Variants in SF1 observed in about 807,000 individuals in gnomAD.
The protein encoded by SF1 is branch point-binding protein.
In SF1, 7 loss-of-function variants were observed where a neutral mutation model predicts 62.5. The observed-to-expected ratio is 0.11, with a 90% CI of 0.06 to 0.21. The LOEUF (loss-of-function observed/expected upper bound fraction) is 0.21. SF1 is among the 10% of genes least tolerant of loss of function. The pLI is 1.00. For missense variants in SF1, 578 were observed against 884.0 expected, an observed-to-expected ratio of 0.65 and a Z score of 4.39; for synonymous variants, 394 against 323.6, an observed-to-expected ratio of 1.22 and a Z score of -2.33.
intron 3 of SF1, chr11:64,772,338 T>C (rs1938453922): frequency 4.2e-6 from 4 of 958,424 alleles, no homozygotes; most frequent in South Asian, 4.8e-5. Context: ...AAAAAAAAAA[T>C]CTTCAAAAAG....
chr11:64,773,403 G>C (rs377474705), intron 3 of SF1, 27 bp downstream of exon 3: 5 of 1,610,768 alleles, frequency 3.1e-6, no homozygotes, highest in Non-Finnish European at 4.2e-6. Context: ...AAGCGTTACT[G>C]TCAGCTGGTT....
chr11:64,768,064 G>C, intron 9 of SF1, 42 bp downstream of exon 9: 1 of 1,578,754 alleles, frequency 6.3e-7, no homozygotes. Context: ...CTGCAGTAGA[G>C]AATGGGGAAG....
intron 1 of SF1, chr11:64,778,100 G>A (rs1389798354): frequency 3.2e-6 from 3 of 929,652 alleles, no homozygotes; most frequent in African/African-American, 3.6e-5. Flanking sequence ...CGGCTGCGGC[G>A]GCGGGTACGA....
chr11:64,766,216 T>G (rs2058654409), intron 12 of SF1, 61 bp from the exon 13 acceptor site: 1 of 1,266,678 alleles, frequency 7.9e-7, no homozygotes. Context: ...TGTCTGCGGC[T>G]GCTGCCTTGG....
At chr11:64,770,527 G>A (rs902756502) in intron 3 of SF1, 119 bp from the exon 4 acceptor site, 2 of 1,099,632 alleles carry the variant, frequency 1.8e-6, no homozygotes, top group Non-Finnish European at 2.6e-6. Context: ...ACTCTTCGGA[G>A]GAACCGACCA....
intron 2 of SF1, among the ~76,000 whole-genome samples, chr11:64,773,723 G>A (rs1245823996): frequency 6.6e-6 from 1 of 152,066 alleles, no homozygotes; most frequent in Non-Finnish European, 1.5e-5. Context: ...TATCACTTAA[G>A]GAAGCAAACA....
Position 64,769,516 on chromosome 11 carries a change from T to C in SF1, c.573A>G (p.Lys191=), listed in dbSNP as rs2135918688. 1 of 1,614,216 alleles carries C rather than the reference T, an allele frequency of 6.2e-7. No homozygotes were observed. Among genetic ancestry groups the C allele is most frequent in the Non-Finnish European group, 8.5e-7 (1 of 1,180,030 alleles). ...GSVKEGKVGR[K]DGQMLPGEDE... The stretch of plus-strand genomic sequence containing the variant: ...CTTCTCCTGGCAACATCTGGCCATC[T>C]TTGCGCCCAACCTTCCCTTCTTTCA... Residue 191 remains lysine, a synonymous_variant, in exon 6 of 13, where the codon AAA becomes AAG. Coordinates refer to ENST00000377390, the MANE Select transcript of SF1 (RefSeq NM_004630.4).
At chr11:64,776,298 C>G (rs563728825) in intron 2 of SF1, 200 bp downstream of exon 2, 13 of 557,438 alleles carry the variant, frequency 2.3e-5, no homozygotes, top group African/African-American at 2.1e-4. Context: ...ATGGAGAACA[C>G]TGCAGTTACG....
In SF1 at chr11:64,772,809, A is replaced by G. The variant is rs183031235; in HGVS notation, c.236+621T>C. The G allele has an allele frequency of 9.6e-4, 942 of 985,436 alleles. 1 individual carries two copies. The highest frequency in any genetic ancestry group is 1.1e-3 in the Non-Finnish European group (873 of 829,934). The allele number at this position is 985,436 out of a possible 1,614,324, so 61.0% of individuals were successfully genotyped here. A position where few individuals can be genotyped will look rare whatever the true frequency, so the allele number is the denominator to read the frequency against. ...GGCCCACGCTCCCTTTAAGGAAAAAAAAAAAGTAATTTAGGGTTGGTTGCA... is the reference window on the plus strand; with the variant it reads ...GGCCCACGCTCCCTTTAAGGAAAAAGAAAAAGTAATTTAGGGTTGGTTGCA... On this transcript the variant is annotated intron_variant, in intron 3 of 12. Coordinates refer to ENST00000377390, the MANE Select transcript of SF1 (RefSeq NM_004630.4).
At chr11:64,772,338 T>A (rs1938453922) in intron 3 of SF1, 7 of 958,424 alleles carry the variant, frequency 7.3e-6, no homozygotes, top group Non-Finnish European at 8.7e-6. Context: ...AAAAAAAAAA[T>A]CTTCAAAAAG....
chr11:64,770,607 G>A, intron 3 of SF1, 199 bp from the exon 4 acceptor site: 1 of 508,776 alleles, frequency 2.0e-6, no homozygotes, highest in African/African-American at 1.9e-5. Context: ...GGTCTGGGGT[G>A]TGTGTGAGAA....
In SF1 at chr11:64,765,692, C is replaced by A. The variant is rs1592435799; in HGVS notation, c.*126G>T. 6.8e-7 allele frequency: 1 copy of A among 1,465,094 alleles called. No individual in the cohort carries two copies. Among genetic ancestry groups the A allele is most frequent in the Non-Finnish European group, 9.0e-7 (1 of 1,111,070 alleles). The allele number at this position is 1,465,094 out of a possible 1,614,324, so 90.8% of individuals were successfully genotyped here. ...TGGCCCAGCCCAGTGCGTGCACACACACACATGCGTGCACACACAATCACA... is the reference window on the plus strand; with the variant it reads ...TGGCCCAGCCCAGTGCGTGCACACAAACACATGCGTGCACACACAATCACA... On this transcript the variant is annotated 3_prime_UTR_variant, in exon 13 of 13. Coordinates refer to ENST00000377390, the MANE Select transcript of SF1 (RefSeq NM_004630.4).
At chr11:64,767,295 T>C (rs770067377) in intron 10 of SF1, 44 bp from the exon 11 acceptor site, 4 of 1,593,390 alleles carry the variant, frequency 2.5e-6, no homozygotes, top group East Asian at 2.2e-5. Flanking sequence ...ACATTGGAAC[T>C]GGCCAGGGAA....
At chr11:64,769,690 G>A (rs745582066) in intron 5 of SF1, 81 bp from the exon 6 acceptor site, 11 of 1,294,776 alleles carry the variant, frequency 8.5e-6, no homozygotes, top group Admixed American at 2.0e-5. Context: ...ATTTGGCATT[G>A]GTGGGAAACC....
intron 8 of SF1, 29 bp downstream of exon 8, chr11:64,768,993 C>A (rs774019682): frequency 4.8e-5 from 72 of 1,496,904 alleles, no homozygotes; most frequent in Admixed American, 1.2e-4. Context: ...TCGCAGGCTA[C>A]CAGGAAACCG....
chr11:64,770,193 C>T (rs1592481310), intron 4 of SF1, 63 bp downstream of exon 4: 15 of 1,580,396 alleles, frequency 9.5e-6, no homozygotes, highest in Non-Finnish European at 1.2e-5. Flanking sequence ...ACTGTCCCAT[C>T]CCAGCAGGTC....
At chr11:64,766,430 T>G in intron 12 of SF1, 1 of 522,148 alleles carries the variant, frequency 1.9e-6, no homozygotes, top group Non-Finnish European at 3.4e-6. Flanking sequence ...CAAGAACAGC[T>G]CTGATGTCCC....
At chr11:64,769,940 T>C (rs1938038450) in intron 5 of SF1, 24 bp downstream of exon 5, 2 of 1,550,076 alleles carry the variant, frequency 1.3e-6, no homozygotes, top group Admixed American at 1.7e-5. Context: ...GAATTCTATA[T>C]CCTATAGACC....
intron 2 of SF1, among the ~76,000 whole-genome samples, chr11:64,774,099 G>A (rs993435070): frequency 6.6e-6 from 1 of 152,094 alleles, no homozygotes; most frequent in Non-Finnish European, 1.5e-5. Context: ...TGTACAACCA[G>A]ACCTGTACTA....
Sources: gnomAD v4.1 joint callset for allele counts (sites outside exome capture counted in the v4.1 genomes callset) on GRCh38, gnomAD v4.1.1 for gene constraint, MANE v1.5 for transcripts, NCBI Gene and HGNC (gene_info 2026-07-23, HGNC 2026-07-21) for gene names.